TMEM132B: variants seen among roughly 807,000 people sequenced by gnomAD.
TMEM132B encodes transmembrane protein 132B.
Under a neutral mutation model 90.8 loss-of-function variants are expected in TMEM132B, and 18 were observed. The ratio of observed to expected loss-of-function variants is 0.20; its 90% CI spans 0.14 to 0.29. The LOEUF is 0.29. TMEM132B is among the 10% of genes least tolerant of loss of function. TMEM132B has a pLI of 1.00. For missense variants in TMEM132B, 1,096 were observed against 1,326.8 expected (o/e 0.83, Z 2.70); for synonymous variants, 504 against 523.3 (o/e 0.96, Z 0.50).
Position 125,349,562 on chromosome 12 carries a change from G to C in TMEM132B, c.178G>C (p.Glu60Gln). The change falls in exon 2 of 9, where the codon GAA (glutamate) becomes CAA (glutamine). Residue 60 changes from glutamate (E) to glutamine (Q), a missense_variant. Physicochemically the swap from Glu to Gln is conservative, Grantham distance 29 (BLOSUM62 2). Transcript: ENST00000682704. This position sits in a 1 kb window ranked among gnomAD's most constrained non-coding sequence, Gnocchi z 4.1. ...SNAEESFFLK[E>Q]ANQDLTRNSS... ...TGCAGAGGAGTCCTTTTTCCTTAAA[G>C]AAGCCAACCAAGACCTCACAAGGAA... 2 of 1,614,094 alleles carry C rather than the reference G, an allele frequency of 1.2e-6. No individual in the cohort carries two copies. Among genetic ancestry groups the C allele is most frequent in the Non-Finnish European group, 1.7e-6 (2 of 1,180,036 alleles).
intron 5 of TMEM132B, among the ~76,000 whole-genome samples, chr12:125,638,510 C>T (rs1355938050): frequency 1.3e-5 from 2 of 152,138 alleles, no homozygotes; most frequent in East Asian, 3.9e-4. Flanking sequence ...TAAGGTTTTT[C>T]TCTACATAGT....
At chr12:125,355,011 T>C (rs1240382339) in intron 2 of TMEM132B, among the ~76,000 whole-genome samples, 2 of 151,916 alleles carry the variant, frequency 1.3e-5, no homozygotes, top group Non-Finnish European at 2.9e-5. Flanking sequence ...AATGGTGGAA[T>C]TGGGGTGCAG....
intron 2 of TMEM132B, among the ~76,000 whole-genome samples, chr12:125,403,913 G>A (rs560806093): frequency 3.9e-5 from 6 of 152,290 alleles, no homozygotes; most frequent in East Asian, 3.9e-4. Context: ...TGAGCACTCA[G>A]TTTAATTTGG....
intron 1 of TMEM132B, among the ~76,000 whole-genome samples, chr12:125,225,453 A>T (rs1873657325): frequency 6.6e-6 from 1 of 152,262 alleles, no homozygotes; most frequent in East Asian, 1.9e-4. Flanking sequence ...CCAGCCTTGC[A>T]CATAGGCAAG....
chr12:125,386,904 T>C (rs1275675696), intron 2 of TMEM132B, among the ~76,000 whole-genome samples: 1 of 152,162 alleles, frequency 6.6e-6, no homozygotes, highest in Non-Finnish European at 1.5e-5. Context: ...TAGAAATAAA[T>C]CTCACACTCT....
intron 2 of TMEM132B, among the ~76,000 whole-genome samples, chr12:125,412,885 T>TA (rs1879894115): frequency 6.6e-6 from 1 of 152,012 alleles, no homozygotes; most frequent in South Asian, 2.1e-4. Context: ...AAGAAAGCTT[T>TA]GTGAAAGTAG....
chr12:125,302,579 G>C (rs1047767603), intron 1 of TMEM132B, among the ~76,000 whole-genome samples: 2 of 152,134 alleles, frequency 1.3e-5, no homozygotes, highest in African/African-American at 4.8e-5. Context: ...ACCCAGGCCT[G>C]CCCGAATCTA....
chr12:125,502,493 C>T (rs1301025281), intron 3 of TMEM132B, among the ~76,000 whole-genome samples: 1 of 152,156 alleles, frequency 6.6e-6, no homozygotes, highest in South Asian at 2.1e-4. Flanking sequence ...TAACTAAGTA[C>T]GTATTCTGGA....
At chr12:125,533,257 A>T (rs956673436) in intron 4 of TMEM132B, among the ~76,000 whole-genome samples, 6 of 152,234 alleles carry the variant, frequency 3.9e-5, no homozygotes, top group Admixed American at 1.3e-4. Context: ...CACATAATAC[A>T]TGTATGATAA....
chr12:125,566,434 G>A (rs1230712531), intron 4 of TMEM132B, among the ~76,000 whole-genome samples: 1 of 152,146 alleles, frequency 6.6e-6, no homozygotes, highest in Non-Finnish European at 1.5e-5. Context: ...CATCTTAAAT[G>A]TTTTCTGATT....
intron 1 of TMEM132B, among the ~76,000 whole-genome samples, chr12:125,193,012 T>C (rs944657035): frequency 2.0e-5 from 3 of 152,038 alleles, no homozygotes; most frequent in African/African-American, 7.2e-5. Context: ...GCCATTGTTG[T>C]GCTAACAACA....
intron 2 of TMEM132B, among the ~76,000 whole-genome samples, chr12:125,367,484 T>C (rs1878169845): frequency 6.6e-6 from 1 of 152,218 alleles, no homozygotes; most frequent in Non-Finnish European, 1.5e-5. Context: ...CAGGTAGAAT[T>C]TGAGCATTCT....
rs969244248 is a variant in TMEM132B, at chr12:125,246,876, T to C, written c.67+60010T>C. Among the ~76,000 whole-genome samples the C allele has an allele frequency of 6.6e-6, 1 of 152,134 alleles. No homozygotes were observed. The highest frequency in any genetic ancestry group is 6.5e-5 in the Admixed American group (1 of 15,282). On this transcript the variant is annotated intron_variant, in intron 1 of 8. Coordinates refer to ENST00000682704, the MANE Select transcript of TMEM132B (RefSeq NM_001366854.1). The surrounding 1 kb of genome is among the most constrained non-coding windows in gnomAD (Gnocchi z 4.2). ...TGTGACACCATTTGGGGTTTCAGCA[T>C]TTCATCACATTTCCCACCGGGAGAG...
At chr12:125,304,965 A>G (rs769099472) in intron 1 of TMEM132B, among the ~76,000 whole-genome samples, 1 of 152,136 alleles carries the variant, frequency 6.6e-6, no homozygotes, top group African/African-American at 2.4e-5. Context: ...TCTCTCTGGT[A>G]ATCACTATTG....
At chr12:125,326,119 GTCTC>G (rs1343257482) in intron 1 of TMEM132B, among the ~76,000 whole-genome samples, 1 of 152,132 alleles carries the variant, frequency 6.6e-6, no homozygotes, top group African/African-American at 2.4e-5. Context: ...CAAACCCAGA[GTCTC>G]TCTCTCTCCC....
intron 3 of TMEM132B, among the ~76,000 whole-genome samples, chr12:125,432,366 AATATATATAT>A (rs749081900): frequency 0.01 from 121 of 11,918 alleles, 32 homozygotes; most frequent in Middle Eastern, 0.062. Flanking sequence ...GAATTCCTTG[AATATATATAT>A]ATATATATAT....
At chr12:125,522,134 T>C (rs749960754) in intron 4 of TMEM132B, among the ~76,000 whole-genome samples, 1 of 152,204 alleles carries the variant, frequency 6.6e-6, no homozygotes, top group Non-Finnish European at 1.5e-5. Context: ...ACTTTTCATT[T>C]GAAGGTCAAC....
At chr12:125,489,875 G>GGCC (rs1326136023) in intron 3 of TMEM132B, among the ~76,000 whole-genome samples, 2 of 152,196 alleles carry the variant, frequency 1.3e-5, no homozygotes, top group Non-Finnish European at 2.9e-5. Context: ...ATAATTCTCA[G>GGCC]TTGGTTCTGG....
At chr12:125,566,609 A>G (rs1352329670) in intron 4 of TMEM132B, among the ~76,000 whole-genome samples, 1 of 152,090 alleles carries the variant, frequency 6.6e-6, no homozygotes, top group Non-Finnish European at 1.5e-5. Context: ...TTTAGCACCA[A>G]ATGTGATGCT....
Sources: allele counts gnomAD v4.1 joint callset (sites outside exome capture counted in the v4.1 genomes callset), GRCh38; gene constraint gnomAD v4.1.1; non-coding constraint Gnocchi (gnomAD v3.1); transcripts MANE v1.5; gene names NCBI Gene and HGNC (gene_info 2026-07-23, HGNC 2026-07-21).